Variants in EPN2 observed in about 807,000 individuals in gnomAD.
The protein encoded by EPN2 is epsin 2, also known as epsin-2.
A neutral mutation model predicts 61.7 loss-of-function variants in EPN2; 34 were observed. That is an observed-to-expected ratio of 0.55 (90% CI 0.42 to 0.73). EPN2 has a LOEUF of 0.73. Ranked by LOEUF, EPN2 falls within the 30% of genes least tolerant of loss-of-function variation. The pLI is 0.00. For missense variants in EPN2, 714 were observed against 839.2 expected (o/e 0.85, Z 1.84); for synonymous variants, 349 against 353.6 (o/e 0.99, Z 0.15).
intron 7 of EPN2, among the ~76,000 whole-genome samples, chr17:19,325,887 A>G (rs1005792877): frequency 6.6e-6 from 1 of 152,240 alleles, no homozygotes; most frequent in Non-Finnish European, 1.5e-5. Context: ...TAGAATCAAT[A>G]ATTGGAATGA....
rs1174224750 is a variant in EPN2, at chr17:19,334,855, G to C, written c.*601G>C. Reference sequence around the variant, plus strand: ...CGTGGCTCTATGCTTGTGTACCTTTGCACATATTTTGTTTAGTACAGTTTC... The same window carrying C: ...CGTGGCTCTATGCTTGTGTACCTTTCCACATATTTTGTTTAGTACAGTTTC... On this transcript the variant is annotated 3_prime_UTR_variant, in exon 11 of 11. Coordinates refer to ENST00000314728, the MANE Select transcript of EPN2 (RefSeq NM_014964.5). This position sits in a 1 kb window ranked among gnomAD's most constrained non-coding sequence, Gnocchi z 4.9. The C allele has an allele frequency of 1.3e-5, 2 of 153,134 alleles. No individual in the cohort carries two copies. Among genetic ancestry groups the C allele is most frequent in the African/African-American group, 4.8e-5 (2 of 41,404 alleles). The allele number at this position is 153,134 out of a possible 1,614,324, so 9.5% of individuals were successfully genotyped here. A position where few individuals can be genotyped will look rare whatever the true frequency, so the allele number is the denominator to read the frequency against.
At chr17:19,317,036 T>G (rs1286308842) in intron 7 of EPN2, among the ~76,000 whole-genome samples, 1 of 152,232 alleles carries the variant, frequency 6.6e-6, no homozygotes, top group African/African-American at 2.4e-5. Context: ...AATCCAATAG[T>G]GCAAATTTTC....
chr17:19,302,706 CT>C (rs1177034241), intron 4 of EPN2, among the ~76,000 whole-genome samples: 1 of 152,208 alleles, frequency 6.6e-6, no homozygotes, highest in Non-Finnish European at 1.5e-5. Context: ...ATGTAATGTG[CT>C]TGAATCATCC....
intron 4 of EPN2, among the ~76,000 whole-genome samples, chr17:19,287,761 C>T (rs188404987): frequency 6.6e-6 from 1 of 152,256 alleles, no homozygotes; most frequent in East Asian, 1.9e-4. Context: ...GCTCAGAAGC[C>T]CTCTTCACAT....
At chr17:19,255,212 T>TG (rs1482417299) in intron 1 of EPN2, among the ~76,000 whole-genome samples, 1 of 152,118 alleles carries the variant, frequency 6.6e-6, no homozygotes, top group African/African-American at 2.4e-5. Context: ...TTGGAGGGTG[T>TG]GAGGGAGGCA....
intron 7 of EPN2, among the ~76,000 whole-genome samples, chr17:19,318,711 A>G (rs551439978): frequency 6.6e-6 from 1 of 152,146 alleles, no homozygotes; most frequent in East Asian, 1.9e-4. Flanking sequence ...ATAAGAGCTA[A>G]CTGGAGGTGT....
chr17:19,304,879 G>C (rs1335735549), intron 4 of EPN2, among the ~76,000 whole-genome samples: 1 of 152,126 alleles, frequency 6.6e-6, no homozygotes, highest in African/African-American at 2.4e-5. Context: ...GCCCACATGG[G>C]GTCTTCTCAC....
At chr17:19,289,074 G>GTTTTTT (rs1162172422) in intron 4 of EPN2, among the ~76,000 whole-genome samples, 11 of 68,688 alleles carry the variant, frequency 1.6e-4, no homozygotes, top group East Asian at 1.5e-3. Flanking sequence ...TTCTGGGTAT[G>GTTTTTT]TTTTTTTTTT....
At chr17:19,257,636 A>T (rs1313625400) in intron 1 of EPN2, among the ~76,000 whole-genome samples, 1 of 148,804 alleles carries the variant, frequency 6.7e-6, no homozygotes, top group Non-Finnish European at 1.5e-5. Context: ...TCCTGCCTCC[A>T]CCTCCCGAGT....
chr17:19,325,946 A>G (rs984212617), intron 7 of EPN2, among the ~76,000 whole-genome samples: 1 of 152,246 alleles, frequency 6.6e-6, no homozygotes, highest in African/African-American at 2.4e-5. Flanking sequence ...AGAGTATACA[A>G]AAGTTTTTCT....
intron 1 of EPN2, among the ~76,000 whole-genome samples, chr17:19,267,002 G>C (rs2045206201): frequency 1.3e-5 from 2 of 149,460 alleles, no homozygotes; most frequent in Non-Finnish European, 3.0e-5. Flanking sequence ...ACCACGCCTG[G>C]CTAATTTTTT....
intron 1 of EPN2, among the ~76,000 whole-genome samples, chr17:19,247,893 T>C (rs1487122172): frequency 6.6e-6 from 1 of 152,200 alleles, no homozygotes; most frequent in Non-Finnish European, 1.5e-5. Context: ...GCCTCAGTGC[T>C]GGCTGGGAAG....
intron 1 of EPN2, among the ~76,000 whole-genome samples, chr17:19,243,131 C>T (rs935910389): frequency 7.2e-5 from 11 of 152,000 alleles, no homozygotes; most frequent in African/African-American, 2.4e-4. Flanking sequence ...CTCCTGTGTG[C>T]AGCAGAAGCA....
At chr17:19,312,258 C>A (rs1156395352) in intron 6 of EPN2, 114 bp downstream of exon 6, 5 of 756,218 alleles carry the variant, frequency 6.6e-6, no homozygotes, top group Non-Finnish European at 1.2e-5. Context: ...CCAACCTCAG[C>A]AAATAACCTT....
At chr17:19,320,515 T>C (rs1017873008) in intron 7 of EPN2, among the ~76,000 whole-genome samples, 1 of 152,180 alleles carries the variant, frequency 6.6e-6, no homozygotes, top group African/African-American at 2.4e-5. Flanking sequence ...ATGCATCCTG[T>C]CTGCCCATTT....
chr17:19,263,330 C>G (rs956511870), intron 1 of EPN2, among the ~76,000 whole-genome samples: 40 of 152,142 alleles, frequency 2.6e-4, no homozygotes, highest in African/African-American at 8.9e-4. Flanking sequence ...GGGCCCATCC[C>G]TGGGGCCCAT....
chr17:19,286,535 C>T (rs1359379971), intron 4 of EPN2, among the ~76,000 whole-genome samples: 2 of 152,172 alleles, frequency 1.3e-5, no homozygotes, highest in Admixed American at 1.3e-4. Flanking sequence ...CCATTGGTCC[C>T]AAGTGGGTTC....
intron 1 of EPN2, among the ~76,000 whole-genome samples, chr17:19,238,483 G>A (rs1184631704): frequency 1.3e-5 from 2 of 152,204 alleles, no homozygotes; most frequent in African/African-American, 4.8e-5. Context: ...TCCGCCCAAG[G>A]AGTCCGTCTG....
chr17:19,249,429 C>T (rs1166838278), intron 1 of EPN2: 1 of 152,168 alleles, frequency 6.6e-6, no homozygotes, highest in East Asian at 1.9e-4. Flanking sequence ...TGGGTAATGT[C>T]TATGTGATTA....
Sources: gnomAD v4.1 joint callset for allele counts (sites outside exome capture counted in the v4.1 genomes callset) on GRCh38, gnomAD v4.1.1 for gene constraint, Gnocchi (gnomAD v3.1) non-coding constraint, MANE v1.5 for transcripts, NCBI Gene and HGNC (gene_info 2026-07-23, HGNC 2026-07-21) for gene names.